Variants in ZNF736 observed in about 807,000 individuals in gnomAD.
The protein encoded by ZNF736 is zinc finger protein 736, also known as KRAB-containing zinc-finger repressor protein.
ZNF736 carries 6 observed loss-of-function variants against 11.7 expected under a neutral mutation model. The ratio of observed to expected loss-of-function variants is 0.51; its 90% CI spans 0.28 to 1.01. The LOEUF is 1.01. Ranked by LOEUF, ZNF736 falls within the 50% of genes least tolerant of loss-of-function variation. The pLI, the probability that ZNF736 is intolerant of heterozygous loss-of-function variation, is 0.09. For synonymous variants in ZNF736, 139 were observed against 164.7 expected (o/e 0.84, Z 1.19); for missense variants, 444 against 496.0 (o/e 0.90, Z 1.00).
At chr7:64,323,172 A>C (rs1029940891) in intron 1 of ZNF736, among the ~76,000 whole-genome samples, 3 of 152,204 alleles carry the variant, frequency 2.0e-5, no homozygotes, top group African/African-American at 7.2e-5. Flanking sequence ...GAAACATGTA[A>C]ATTCTGTGAG....
intron 1 of ZNF736, among the ~76,000 whole-genome samples, chr7:64,324,362 A>T (rs148334071): frequency 1.5e-3 from 226 of 152,278 alleles, no homozygotes; most frequent in African/African-American, 4.8e-3. Flanking sequence ...GGGAGACTCC[A>T]GGTGTCTCAG....
rs1186355242 is a variant in ZNF736, at chr7:64,350,675, G to T, written c.*1528G>T. 4 of 150,608 alleles carry T rather than the reference G, an allele frequency of 2.7e-5. No individual in the cohort carries two copies. Among genetic ancestry groups the T allele is most frequent in the Non-Finnish European group, 4.4e-5 (3 of 67,682 alleles). The allele number at this position is 150,608 out of a possible 1,614,324, so 9.3% of individuals were successfully genotyped here. Reference sequence around the variant, plus strand: ...ATATCTTTGAGGTTGCTGACCTTTGGGCTTTTTTTTTTTTAATCCTATTTG... The same window carrying T: ...ATATCTTTGAGGTTGCTGACCTTTGTGCTTTTTTTTTTTTAATCCTATTTG... On this transcript the variant is annotated 3_prime_UTR_variant, in exon 4 of 4. Coordinates refer to ENST00000423484, the MANE Select transcript of ZNF736 (RefSeq NM_001170905.3).
chr7:64,336,652 C>T (rs1439362460), intron 2 of ZNF736, among the ~76,000 whole-genome samples: 1 of 152,086 alleles, frequency 6.6e-6, no homozygotes, highest in African/African-American at 2.4e-5. Context: ...GTTACCCACA[C>T]CTAAAAATGC....
chr7:64,334,836 CAT>C (rs2115924578), intron 1 of ZNF736, among the ~76,000 whole-genome samples: 1 of 152,296 alleles, frequency 6.6e-6, no homozygotes, highest in South Asian at 2.1e-4. Flanking sequence ...CACATGCACA[CAT>C]ATGTTTATTG....
intron 3 of ZNF736, among the ~76,000 whole-genome samples, chr7:64,344,473 A>G (rs1263974487): frequency 3.3e-5 from 5 of 152,194 alleles, no homozygotes; most frequent in Admixed American, 3.3e-4. Context: ...CTGGCCCTTT[A>G]CAAACATCAT....
At chr7:64,314,961 G>A (rs1213380974) in intron 1 of ZNF736, among the ~76,000 whole-genome samples, 2 of 152,224 alleles carry the variant, frequency 1.3e-5, no homozygotes, top group Non-Finnish European at 2.9e-5. Flanking sequence ...TGGAGGTGGG[G>A]CCTGGTGGAA....
chr7:64,343,389 A>G (rs754526435), intron 3 of ZNF736, among the ~76,000 whole-genome samples: 47 of 152,344 alleles, frequency 3.1e-4, no homozygotes, highest in African/African-American at 9.9e-4. Context: ...AATGAAAACA[A>G]TAGACACTGG....
intron 1 of ZNF736, among the ~76,000 whole-genome samples, chr7:64,329,270 A>ATGACCC (rs1478432769): frequency 6.6e-6 from 1 of 152,044 alleles, no homozygotes; most frequent in Non-Finnish European, 1.5e-5. Flanking sequence ...AGCTCATTTA[A>ATGACCC]TGAGGTTGTG....
At chr7:64,333,813 CAA>C (rs1160322842) in intron 1 of ZNF736, among the ~76,000 whole-genome samples, 1 of 151,954 alleles carries the variant, frequency 6.6e-6, no homozygotes, top group Non-Finnish European at 1.5e-5. Flanking sequence ...TATATGGAAC[CAA>C]AAAAGAGCCC....
intron 1 of ZNF736, among the ~76,000 whole-genome samples, chr7:64,319,333 G>A (rs201957018): frequency 0.093 from 6,578 of 71,042 alleles, 562 homozygotes; most frequent in East Asian, 0.12. Context: ...GTGTGTATGT[G>A]TATATATATA....
intron 1 of ZNF736, among the ~76,000 whole-genome samples, chr7:64,319,812 GTCTTTTTCTTTCTAAAATTTA>G (rs1788979652): frequency 6.8e-6 from 1 of 147,096 alleles, no homozygotes; most frequent in Non-Finnish European, 1.5e-5. Flanking sequence ...TTCTTTACTT[GTCTTTTTCTTTCTAAAATTTA>G]TCTTTTTCTT....
intron 3 of ZNF736, among the ~76,000 whole-genome samples, chr7:64,345,760 T>A: frequency 6.9e-6 from 1 of 144,032 alleles, no homozygotes. Context: ...AAAGGTGTGT[T>A]GTTTAATTTT....
intron 1 of ZNF736, among the ~76,000 whole-genome samples, chr7:64,328,584 C>G (rs1335297412): frequency 2.6e-5 from 4 of 152,070 alleles, no homozygotes; most frequent in Non-Finnish European, 4.4e-5. Context: ...CACGGTGAAA[C>G]CCCGTCTCTA....
In ZNF736 at chr7:64,314,119, G is replaced by A; in HGVS notation, c.-32G>A. On this transcript the variant is annotated 5_prime_UTR_variant, in exon 1 of 4. Coordinates refer to ENST00000423484, the MANE Select transcript of ZNF736 (RefSeq NM_001170905.3). ...ACCTGCAGGTACTGGGAGATCCATA[G>A]GGAGGACGGCGGAACATCTGGAGGC... is the stretch of plus-strand genomic sequence containing the variant. 6.4e-7 allele frequency: 1 copy of A among 1,551,934 alleles called. No homozygotes were observed. Among genetic ancestry groups the A allele is most frequent in the Non-Finnish European group, 8.7e-7 (1 of 1,147,174 alleles).
Position 64,348,151 on chromosome 7 carries a change from A to G in ZNF736, c.288A>G (p.Gln96=), listed in dbSNP as rs1236160128. Residue 96 remains glutamine, a synonymous_variant, in exon 4 of 4, where the codon CAA becomes CAG. Transcript: ENST00000423484. The stretch of plus-strand genomic sequence containing the variant: ...ATCATGACATAAAAGATTCATTTCA[A>G]AAAGTGATTCTGAGAAAATATGGAA... ...LPDHDIKDSF[Q]KVILRKYGSC... 1 of 1,548,556 alleles carries G rather than the reference A, an allele frequency of 6.5e-7. No homozygotes were observed. The highest frequency in any genetic ancestry group is 8.7e-7 in the Non-Finnish European group (1 of 1,146,212).
At chr7:64,336,754 T>G in intron 2 of ZNF736, 133 bp from the exon 3 acceptor site, 1 of 772,556 alleles carries the variant, frequency 1.3e-6, no homozygotes, top group Non-Finnish European at 2.1e-6. Context: ...CTAAAGTTTC[T>G]GTTAGGAAAC....
intron 3 of ZNF736, among the ~76,000 whole-genome samples, chr7:64,344,243 A>G (rs1377172402): frequency 6.6e-6 from 1 of 152,238 alleles, no homozygotes; most frequent in African/African-American, 2.4e-5. Flanking sequence ...CAGAGGTTGC[A>G]GTGAGCCAAG....
intron 1 of ZNF736, among the ~76,000 whole-genome samples, chr7:64,324,273 A>G (rs1789047468): frequency 6.6e-6 from 1 of 152,200 alleles, no homozygotes; most frequent in Non-Finnish European, 1.5e-5. Context: ...TCAATCATCA[A>G]CAAATAACAT....
At chr7:64,346,144 G>C (rs1044158255) in intron 3 of ZNF736, among the ~76,000 whole-genome samples, 17 of 152,088 alleles carry the variant, frequency 1.1e-4, no homozygotes, top group African/African-American at 4.1e-4. Flanking sequence ...AAACTGTCTT[G>C]TATTTATAGG....
Sources: allele counts gnomAD v4.1 joint callset (sites outside exome capture counted in the v4.1 genomes callset), GRCh38; gene constraint gnomAD v4.1.1; transcripts MANE v1.5; gene names NCBI Gene and HGNC (gene_info 2026-07-23, HGNC 2026-07-21).